TIAM1: variants seen among roughly 807,000 people sequenced by gnomAD.
The protein encoded by TIAM1 is TIAM Rac1 associated GEF 1.
In TIAM1, 65 loss-of-function variants were observed where a neutral mutation model predicts 163.5. The ratio of observed to expected loss-of-function variants is 0.40; its 90% CI spans 0.33 to 0.49. The LOEUF (loss-of-function observed/expected upper bound fraction) is 0.49. TIAM1 is among the 20% of genes least tolerant of loss of function. TIAM1 has a pLI of 0.77. For synonymous variants in TIAM1, 833 were observed against 810.1 expected, an observed-to-expected ratio of 1.03 and a Z score of -0.48; for missense variants, 1,789 against 2,044.7, an observed-to-expected ratio of 0.87 and a Z score of 2.41.
intron 2 of TIAM1, among the ~76,000 whole-genome samples, chr21:31,418,627 G>A (rs1369451402): frequency 6.6e-6 from 1 of 152,262 alleles, no homozygotes; most frequent in East Asian, 1.9e-4. Context: ...GAAGCTATTA[G>A]AAAGGTTAGC....
intron 2 of TIAM1, among the ~76,000 whole-genome samples, chr21:31,412,212 G>A (rs373681539): frequency 2.6e-5 from 4 of 152,144 alleles, no homozygotes; most frequent in East Asian, 1.9e-4. Context: ...CTTCTAAGTC[G>A]GAGCTAAATA....
rs539955320 is a variant in TIAM1, at chr21:31,428,018, T to C, written c.-369+35965A>G. On this transcript the variant is annotated intron_variant, in intron 2 of 28. Coordinates refer to the TIAM1 transcript ENST00000286827. ...GGCTCATGCCTGTAATCCCAGCACT[T>C]TGGGAGGCCGAAGCGGGTGGATCAC... Among the ~76,000 whole-genome samples the C allele has an allele frequency of 6.7e-4, 102 of 152,180 alleles. 1 individual carries two copies. Among genetic ancestry groups the C allele is most frequent in the African/African-American group, 2.1e-3 (89 of 41,506 alleles).
At chr21:31,223,262 T>C (rs995379189) in intron 8 of TIAM1, 144 bp downstream of exon 8, 14 of 842,356 alleles carry the variant, frequency 1.7e-5, no homozygotes, top group Admixed American at 5.7e-5. Context: ...AAATGGAAAT[T>C]TGCATCCACT....
At chr21:31,157,278 G>C (rs1568937479) in intron 16 of TIAM1, among the ~76,000 whole-genome samples, 1 of 152,200 alleles carries the variant, frequency 6.6e-6, no homozygotes, top group South Asian at 2.1e-4. Flanking sequence ...GAACTGGTGA[G>C]TGACGGTGGT....
intron 2 of TIAM1, among the ~76,000 whole-genome samples, chr21:31,322,028 C>T (rs1295245038): frequency 6.6e-6 from 1 of 151,896 alleles, no homozygotes; most frequent in African/African-American, 2.4e-5. Flanking sequence ...CATGAGACTC[C>T]ATATCAAAAC....
chr21:31,555,907 G>C (rs1055467930), intron 1 of TIAM1, among the ~76,000 whole-genome samples: 4 of 152,056 alleles, frequency 2.6e-5, no homozygotes, highest in East Asian at 3.9e-4. Flanking sequence ...CAGGAATCTG[G>C]GGGGAAGGAG....
At chr21:31,125,620 G>C (rs1290446317) in intron 26 of TIAM1, among the ~76,000 whole-genome samples, 1 of 152,150 alleles carries the variant, frequency 6.6e-6, no homozygotes, top group South Asian at 2.1e-4. Context: ...TGTCGCCCAG[G>C]CTGGAGTGCA....
At chr21:31,496,459 C>CAAAAAAAAAAAAAAAAA (rs58140674) in intron 1 of TIAM1, among the ~76,000 whole-genome samples, 2 of 87,890 alleles carry the variant, frequency 2.3e-5, no homozygotes, top group Admixed American at 1.4e-4. Context: ...AACTCTGTCT[C>CAAAAAAAAAAAAAAAAA]AAAAAAAAAA....
chr21:31,199,925 ACAC>A (rs2086107206), intron 12 of TIAM1, among the ~76,000 whole-genome samples: 1 of 148,076 alleles, frequency 6.8e-6, no homozygotes, highest in Admixed American at 6.7e-5. Flanking sequence ...AAAAAAAAAA[ACAC>A]ACAAAAAATA....
chr21:31,326,807 A>AT (rs2075503581), intron 2 of TIAM1, among the ~76,000 whole-genome samples: 2 of 152,158 alleles, frequency 1.3e-5, no homozygotes, highest in African/African-American at 4.8e-5. Context: ...GGTTTAACTA[A>AT]TGTGCACTTG....
chr21:31,474,379 T>G (rs913609086), intron 1 of TIAM1, among the ~76,000 whole-genome samples: 4 of 152,108 alleles, frequency 2.6e-5, no homozygotes, highest in African/African-American at 9.7e-5. Context: ...CCCTCAACAT[T>G]TAGCCATGTG....
At chr21:31,284,680 G>A (rs1207154412) in intron 2 of TIAM1, among the ~76,000 whole-genome samples, 7 of 151,884 alleles carry the variant, frequency 4.6e-5, no homozygotes, top group Non-Finnish European at 4.4e-5. Context: ...CACCACACCC[G>A]GCTAATTTTT....
At chr21:31,170,813 G>A (rs1025096033) in intron 15 of TIAM1, among the ~76,000 whole-genome samples, 1 of 151,768 alleles carries the variant, frequency 6.6e-6, no homozygotes, top group Non-Finnish European at 1.5e-5. Context: ...AGAGGCAGGC[G>A]GATCATGAGG....
At chr21:31,431,821 AAAAT>A (rs1056743831) in intron 2 of TIAM1, among the ~76,000 whole-genome samples, 1 of 152,216 alleles carries the variant, frequency 6.6e-6, no homozygotes, top group African/African-American at 2.4e-5. Flanking sequence ...AATAAAGAAA[AAAAT>A]ACAGTCAAAA....
In TIAM1 at chr21:31,532,970, T is replaced by A. The variant is rs1239591908; in HGVS notation, c.-422+25957A>T. Among the ~76,000 whole-genome samples, 9 of 152,144 alleles carry A rather than the reference T, an allele frequency of 5.9e-5. 1 individual carries two copies. In the South Asian group the frequency reaches 1.9e-3, roughly 32 times the overall value. On this transcript the variant is annotated intron_variant, in intron 1 of 28. Coordinates refer to the TIAM1 transcript ENST00000286827. ...TAAATATACCTACCCTAGCAGGTTA[T>A]CCCAGCAAGATAGGTGGACAGCCTT... is the stretch of plus-strand genomic sequence containing the variant.
At chr21:31,319,163 T>C (rs2075222113) in intron 2 of TIAM1, among the ~76,000 whole-genome samples, 1 of 152,184 alleles carries the variant, frequency 6.6e-6, no homozygotes. Context: ...GGAGCTTTAC[T>C]TTCTGCTGTG....
intron 1 of TIAM1, among the ~76,000 whole-genome samples, chr21:31,476,533 G>A (rs1029676268): frequency 2.6e-5 from 4 of 152,078 alleles, no homozygotes; most frequent in African/African-American, 9.7e-5. Context: ...CACTAATAGG[G>A]GCCAATTTGT....
At chr21:31,482,112 C>CACACATATAT (rs1351324027) in intron 1 of TIAM1, among the ~76,000 whole-genome samples, 11 of 143,808 alleles carry the variant, frequency 7.6e-5, no homozygotes, top group Admixed American at 4.9e-4. Context: ...TATATATATA[C>CACACATATAT]ACACATATAT....
chr21:31,470,547 C>T (rs2045703325), intron 1 of TIAM1, among the ~76,000 whole-genome samples: 1 of 149,546 alleles, frequency 6.7e-6, no homozygotes, highest in African/African-American at 2.5e-5. Context: ...TGGTCAGGCT[C>T]GTCTCGAACT....
Sources: gnomAD v4.1 joint callset for allele counts (sites outside exome capture counted in the v4.1 genomes callset) on GRCh38, gnomAD v4.1.1 for gene constraint, MANE v1.5 for transcripts, NCBI Gene and HGNC (gene_info 2026-07-23, HGNC 2026-07-21) for gene names.